The following ECI1 variants were observed in gnomAD, a reference collection of about 807,000 sequenced individuals.
ECI1 encodes enoyl-CoA delta isomerase 1.
Under a neutral mutation model 34.2 loss-of-function variants are expected in ECI1, and 34 were observed. The observed-to-expected ratio is 1.00, with a 90% CI of 0.76 to 1.33. The LOEUF (loss-of-function observed/expected upper bound fraction) is 1.33, where lower values mean the gene tolerates loss of function less well. ECI1 is among the 40% of genes most tolerant of loss of function. ECI1 has a pLI of 0.00. For missense variants in ECI1, 456 were observed against 422.2 expected, an observed-to-expected ratio of 1.08 and a Z score of -0.70; for synonymous variants, 211 against 193.0, an observed-to-expected ratio of 1.09 and a Z score of -0.77.
chr16:2,248,441 G>A (rs2141508379), intron 2 of ECI1, among the ~76,000 whole-genome samples: 1 of 147,346 alleles, frequency 6.8e-6, no homozygotes, highest in Middle Eastern at 4.0e-3. Flanking sequence ...TGAGACAAGA[G>A]CCTCGCTCTG....
chr16:2,247,297 G>A (rs779534507), intron 2 of ECI1, among the ~76,000 whole-genome samples: 3 of 152,096 alleles, frequency 2.0e-5, no homozygotes, highest in South Asian at 4.1e-4. Flanking sequence ...GGGTTTCACC[G>A]TGTTAGCCAG....
intron 2 of ECI1, among the ~76,000 whole-genome samples, chr16:2,250,219 A>C (rs71386661): frequency 1.5e-5 from 2 of 134,790 alleles, no homozygotes; most frequent in Admixed American, 8.2e-5. Context: ...AGATTGCGCC[A>C]CTGCACTCCA....
At position 2,243,126 on chromosome 16, in the gene ECI1, C is replaced by G. The variant is rs2093531686; in HGVS notation, c.662G>C (p.Gly221Ala). 6.2e-7 allele frequency: 1 copy of G among 1,606,250 alleles called. No individual in the cohort carries two copies. The highest frequency in any genetic ancestry group is 1.7e-5 in the Admixed American group (1 of 60,012). The change falls in exon 6 of 7, where the codon GGC becomes GCC. Residue 221 changes from glycine to alanine, a missense_variant. Physicochemically the swap from Gly to Ala is moderately conservative, Grantham distance 60. Coordinates refer to ENST00000301729, the MANE Select transcript of ECI1 (RefSeq NM_001919.4). The stretch of plus-strand genomic sequence containing the variant: ...CTCCGGGACCACCTGGTCCACTATG[C>G]CCACCTGCAGGGCCTCCGCCGGCGG... ...LFPPAEALQV[G>A]IVDQVVPEEQ...
chr16:2,244,325 A>G (rs1341868024), intron 4 of ECI1, 81 bp downstream of exon 4: 1 of 1,493,978 alleles, frequency 6.7e-7, no homozygotes, highest in Non-Finnish European at 9.2e-7. Context: ...GAGAGATTCC[A>G]AGGGCAGGAC....
chr16:2,244,924 C>A (rs912793953), intron 3 of ECI1, among the ~76,000 whole-genome samples: 1 of 152,224 alleles, frequency 6.6e-6, no homozygotes, highest in Non-Finnish European at 1.5e-5. Context: ...GCTGCACGTT[C>A]TGAATCATTT....
At chr16:2,250,459 A>C (rs1455751749) in intron 2 of ECI1, among the ~76,000 whole-genome samples, 1 of 151,842 alleles carries the variant, frequency 6.6e-6, no homozygotes, top group Non-Finnish European at 1.5e-5. Context: ...TGGGGAGGGC[A>C]GGGGCTGTGA....
In ECI1 at chr16:2,246,926, G is replaced by T. The variant is rs112729404; in HGVS notation, c.227C>A (p.Thr76Lys). The T allele has an allele frequency of 1.2e-6, 2 of 1,613,740 alleles. No individual in the cohort carries two copies. The highest frequency in any genetic ancestry group is 2.7e-5 in the African/African-American group (2 of 74,910). The stretch of plus-strand genomic sequence containing the variant: ...CTTCTCCAGGCTGATGACCAGCTCC[G>T]TCAGAAACTCCAGGCTCAGGCTGTT... ...PVNSLSLEFL[T>K]ELVISLEKLE... Residue 76 changes from threonine (T) to lysine (K), a missense_variant, in exon 3 of 7, where the codon ACG becomes AAG. By Grantham distance (78) the Thr-to-Lys change is moderately conservative (BLOSUM62 -1). Transcript: ENST00000301729.
chr16:2,246,311 G>A lies in ECI1; in HGVS notation c.294+548C>T, dbSNP rs142639639. On this transcript the variant is annotated intron_variant, in intron 3 of 6. Coordinates refer to ENST00000301729, the MANE Select transcript of ECI1 (RefSeq NM_001919.4). The stretch of plus-strand genomic sequence containing the variant: ...CTGAAGACTGGCCCACAGAGGATCA[G>A]AGAGCATGGGTATTGTTCGCAGGAC... 7.0e-4 allele frequency among the ~76,000 whole-genome samples: 107 copies of A among 152,352 alleles called. 1 individual carries two copies. The highest frequency in any genetic ancestry group is 6.8e-3 in the Middle Eastern group (2 of 294).
At position 2,243,288 on chromosome 16, in the gene ECI1, A is replaced by T; in HGVS notation, c.563+30T>A. Reference sequence around the variant, plus strand: ...CGGGTCTGTTCCCTCCACAACAAGCATGGAGCGTGGCTGCAGCCCAGGGCC... The same window carrying T: ...CGGGTCTGTTCCCTCCACAACAAGCTTGGAGCGTGGCTGCAGCCCAGGGCC... On this transcript the variant is annotated intron_variant, in intron 5 of 6. Transcript: ENST00000301729. 3 of 1,613,472 alleles carry T rather than the reference A, an allele frequency of 1.9e-6. No homozygotes were observed. The Middle Eastern group carries it at 5.0e-4, about 266-fold the overall frequency.
chr16:2,244,342 T>C (rs2141500131), intron 4 of ECI1, 64 bp downstream of exon 4: 3 of 1,559,600 alleles, frequency 1.9e-6, no homozygotes, highest in South Asian at 2.3e-5. Context: ...GGACAGTGTC[T>C]GTCCCACCCC....
chr16:2,242,814 G>A, intron 6 of ECI1: 1 of 584,430 alleles, frequency 1.7e-6, no homozygotes, highest in South Asian at 2.0e-5. Flanking sequence ...GGGAGGAAGT[G>A]CAGTCCTGCC....
chr16:2,243,169 G>T lies in ECI1; in HGVS notation c.619C>A (p.Gln207Lys). ...IGHRAAERALQLGLLFPPAEA... is the reference protein window; with the variant it reads ...IGHRAAERALKLGLLFPPAEA... ...GCCGGCGGGAAGAGCAGCCCCAGCT[G>T]CAGGGCACGCTCCGCCGCCCGGTGC... Residue 207 changes from glutamine to lysine, a missense_variant, in exon 6 of 7, where the codon CAG becomes AAG. Coordinates refer to ENST00000301729, the MANE Select transcript of ECI1 (RefSeq NM_001919.4). The T allele has an allele frequency of 1.2e-6, 2 of 1,608,090 alleles. No homozygotes were observed. The highest frequency in any genetic ancestry group is 8.5e-7 in the Non-Finnish European group (1 of 1,179,776).
chr16:2,240,217 A>ATTT, intron 6 of ECI1, 72 bp from the exon 7 acceptor site: 2 of 1,358,792 alleles, frequency 1.5e-6, no homozygotes, highest in South Asian at 1.3e-5. Context: ...CTTATTTTTT[A>ATTT]TTTTTATTTT....
chr16:2,250,722 A>G (rs908334073), intron 2 of ECI1, among the ~76,000 whole-genome samples: 2 of 152,158 alleles, frequency 1.3e-5, no homozygotes, highest in Non-Finnish European at 2.9e-5. Context: ...GCCACATGGG[A>G]GTGTTAACAA....
At chr16:2,250,206 C>T (rs1441026603) in intron 2 of ECI1, among the ~76,000 whole-genome samples, 1 of 130,124 alleles carries the variant, frequency 7.7e-6, no homozygotes, top group Non-Finnish European at 1.6e-5. Flanking sequence ...TTGCAGTGAT[C>T]GGAGATTGCG....
At position 2,243,354 on chromosome 16, in the gene ECI1, A is replaced by G. The variant is rs570485748; in HGVS notation, c.527T>C (p.Leu176Pro). The G allele has an allele frequency of 1.9e-6, 3 of 1,613,762 alleles. No homozygotes were observed. Among genetic ancestry groups the G allele is most frequent in the Admixed American group, 3.3e-5 (2 of 60,030 alleles). Residue 176 changes from leucine (L) to proline (P), a missense_variant, in exon 5 of 7, where the codon CTC (leucine) becomes CCC (proline). By Grantham distance (98) the Leu-to-Pro change is moderately conservative. Coordinates refer to ENST00000301729, the MANE Select transcript of ECI1 (RefSeq NM_001919.4). Reference protein sequence around the residue: ...LADNPRYCIGLNETQLGIIAP... With the variant: ...LADNPRYCIGPNETQLGIIAP... ...GATGATGCCCAGCTGGGTCTCATTG[A>G]GTCCTATGCAGTACCTGGGGTTGTC...
At chr16:2,249,536 G>T (rs1001195667) in intron 2 of ECI1, among the ~76,000 whole-genome samples, 5 of 151,902 alleles carry the variant, frequency 3.3e-5, no homozygotes, top group African/African-American at 1.2e-4. Flanking sequence ...TTCGTACAAT[G>T]ACAATTTTTT....
chr16:2,244,252 TGGTCTGCGATG>T, intron 4 of ECI1, 143 bp downstream of exon 4: 2 of 895,800 alleles, frequency 2.2e-6, no homozygotes, highest in Non-Finnish European at 3.5e-6. Context: ...ACACGCCCCG[TGGTCTGCGATG>T]GCGCTCACCT....
Position 2,246,859 on chromosome 16 carries a change from C to G in ECI1, c.294G>C (p.Ser98=). ...GGTAGGGAGCTGAACTAGCACCTACCGAGGTCAGAATGACACCGCGGAAGC... is the reference window on the plus strand; with the variant it reads ...GGTAGGGAGCTGAACTAGCACCTACGGAGGTCAGAATGACACCGCGGAAGC... The part of the protein sequence containing the change: ...DKSFRGVILT[S]DRPGVFSAGL... Residue 98 remains serine, a splice_region_variant and synonymous_variant, in exon 3 of 7, where the codon TCG becomes TCC. Transcript: ENST00000301729. 1.2e-6 allele frequency: 2 copies of G among 1,612,514 alleles called. No homozygotes were observed. The highest frequency in any genetic ancestry group is 1.7e-6 in the Non-Finnish European group (2 of 1,180,004).
Sources: allele counts gnomAD v4.1 joint callset (sites outside exome capture counted in the v4.1 genomes callset), GRCh38; gene constraint gnomAD v4.1.1; transcripts MANE v1.5; gene names NCBI Gene and HGNC (gene_info 2026-07-23, HGNC 2026-07-21).